The following ATP2B2 variants were observed in gnomAD, a reference collection of about 807,000 sequenced individuals.
The protein encoded by ATP2B2 is plasma membrane calcium-transporting ATPase 2.
In ATP2B2, 15 loss-of-function variants were observed where a neutral mutation model predicts 120.0. That is an observed-to-expected ratio of 0.12 (90% CI 0.08 to 0.19). The LOEUF (loss-of-function observed/expected upper bound fraction) is 0.19, where lower values mean the gene tolerates loss of function less well. Ranked by LOEUF, ATP2B2 falls within the 10% of genes least tolerant of loss-of-function variation. The pLI is 1.00. For missense variants in ATP2B2, 1,045 were observed against 1,719.8 expected (o/e 0.61, Z 6.94); for synonymous variants, 694 against 700.3 (o/e 0.99, Z 0.14).
At chr3:10,417,922 A>G (rs1218105928) in intron 2 of ATP2B2, among the ~76,000 whole-genome samples, 1 of 152,202 alleles carries the variant, frequency 6.6e-6, no homozygotes, top group Non-Finnish European at 1.5e-5. Context: ...GATGGTCCTC[A>G]AGGAAGAGGA....
chr3:10,662,964 C>T (rs1212370059), intron 1 of ATP2B2, among the ~76,000 whole-genome samples: 1 of 151,644 alleles, frequency 6.6e-6, no homozygotes, highest in Non-Finnish European at 1.5e-5. Context: ...AAGCTGGAAA[C>T]CATCATTCTC....
chr3:10,665,889 G>A (rs920881328), intron 1 of ATP2B2, among the ~76,000 whole-genome samples: 3 of 152,184 alleles, frequency 2.0e-5, no homozygotes, highest in Admixed American at 2.0e-4. Flanking sequence ...CCAGAGAAGG[G>A]CTCTGCTTCT....
intron 3 of ATP2B2, among the ~76,000 whole-genome samples, chr3:10,517,682 A>AAGGAAGCTT (rs1426950073): frequency 6.6e-6 from 1 of 152,106 alleles, no homozygotes; most frequent in African/African-American, 2.4e-5. Context: ...CCCACTGGAG[A>AAGGAAGCTT]AGGAAGCTTG....
chr3:10,697,015 T>G (rs2071751398), intron 1 of ATP2B2, among the ~76,000 whole-genome samples: 1 of 152,164 alleles, frequency 6.6e-6, no homozygotes, highest in Admixed American at 6.5e-5. Context: ...GATGGAAAAT[T>G]GAGGTACAGG....
At chr3:10,686,632 C>T (rs547807895) in intron 1 of ATP2B2, among the ~76,000 whole-genome samples, 21 of 151,498 alleles carry the variant, frequency 1.4e-4, no homozygotes, top group African/African-American at 4.4e-4. Flanking sequence ...CCAGCCTAGG[C>T]GACAGTGCGA....
At chr3:10,657,612 G>T (rs1215852631) in intron 1 of ATP2B2, among the ~76,000 whole-genome samples, 1 of 152,190 alleles carries the variant, frequency 6.6e-6, no homozygotes, top group Non-Finnish European at 1.5e-5. Context: ...GCTTGAACTG[G>T]GTGGAGCCCA....
At chr3:10,621,846 C>A (rs564145608) in intron 1 of ATP2B2, among the ~76,000 whole-genome samples, 1 of 152,230 alleles carries the variant, frequency 6.6e-6, no homozygotes, top group South Asian at 2.1e-4. Flanking sequence ...GAAGTAACCA[C>A]GTCAACATGA....
intron 2 of ATP2B2, among the ~76,000 whole-genome samples, chr3:10,601,678 T>C (rs1417396722): frequency 6.6e-6 from 1 of 152,144 alleles, no homozygotes; most frequent in Non-Finnish European, 1.5e-5. Context: ...CACCAGAGCC[T>C]GGCAGGGAAG....
intron 1 of ATP2B2, 106 bp from the exon 2 acceptor site, chr3:10,449,968 T>A (rs1039628255): frequency 3.1e-6 from 1 of 322,674 alleles, no homozygotes; most frequent in Non-Finnish European, 6.1e-6. Flanking sequence ...TAAACAACAC[T>A]GACTACACCC....
chr3:10,333,958 C>T (rs1348205068), intron 22 of ATP2B2, among the ~76,000 whole-genome samples: 15 of 152,214 alleles, frequency 9.9e-5, no homozygotes, highest in Admixed American at 9.8e-4. Flanking sequence ...CCTGTCTAAG[C>T]ATTTCTGCAG....
chr3:10,598,853 C>A (rs910524853), intron 2 of ATP2B2, among the ~76,000 whole-genome samples: 60 of 152,266 alleles, frequency 3.9e-4, no homozygotes, highest in African/African-American at 1.3e-3. Context: ...TGCATGCAGT[C>A]CCCGGCCTGG....
At chr3:10,520,234 GGGAAGC>G (rs2125453253) in intron 3 of ATP2B2, among the ~76,000 whole-genome samples, 1 of 152,324 alleles carries the variant, frequency 6.6e-6, no homozygotes, top group South Asian at 2.1e-4. Flanking sequence ...CAATGATTTA[GGGAAGC>G]CTGTAATTAG....
At chr3:10,557,197 A>G (rs546844078) in intron 2 of ATP2B2, among the ~76,000 whole-genome samples, 1 of 152,232 alleles carries the variant, frequency 6.6e-6, no homozygotes, top group East Asian at 1.9e-4. Context: ...CTGGGTGGCC[A>G]CTGCGTTCTG....
At chr3:10,455,625 G>C (rs924022123) in intron 1 of ATP2B2, among the ~76,000 whole-genome samples, 2 of 152,250 alleles carry the variant, frequency 1.3e-5, no homozygotes, top group African/African-American at 4.8e-5. Flanking sequence ...GTTGCAATGA[G>C]GTTCACTTGC....
chr3:10,647,398 G>A (rs1053611770), intron 1 of ATP2B2, among the ~76,000 whole-genome samples: 3 of 152,086 alleles, frequency 2.0e-5, no homozygotes, highest in East Asian at 1.9e-4. Flanking sequence ...TATTTTGTTC[G>A]GTTTTTCTTC....
chr3:10,390,525 C>T (rs796424839), intron 5 of ATP2B2, among the ~76,000 whole-genome samples: 5 of 141,894 alleles, frequency 3.5e-5, no homozygotes, highest in African/African-American at 1.1e-4. Flanking sequence ...TGTGTGTGTG[C>T]GCTTGCAACA....
At chr3:10,400,861 G>T in intron 5 of ATP2B2, 92 bp downstream of exon 5, 3 of 1,585,028 alleles carry the variant, frequency 1.9e-6, no homozygotes, top group Non-Finnish European at 1.7e-6. Flanking sequence ...AAGGATCAAA[G>T]TCTCTGAGTC....
chr3:10,690,450 A>ATCTG (rs1271520401), intron 1 of ATP2B2, among the ~76,000 whole-genome samples: 2 of 152,024 alleles, frequency 1.3e-5, no homozygotes, highest in African/African-American at 4.8e-5. Context: ...CTATCTATCT[A>ATCTG]TCTATCTATC....
At chr3:10,395,596 T>C (rs1438168) in intron 5 of ATP2B2, among the ~76,000 whole-genome samples, 37,878 of 152,222 alleles carry the variant, frequency 0.25, 5,014 homozygotes, top group East Asian at 0.43. Context: ...GTATTCTTTG[T>C]GCCATCCTTG....
Sources: allele counts gnomAD v4.1 joint callset (sites outside exome capture counted in the v4.1 genomes callset), GRCh38; gene constraint gnomAD v4.1.1; transcripts MANE v1.5; gene names NCBI Gene and HGNC (gene_info 2026-07-23, HGNC 2026-07-21).